ABL1: variants seen among roughly 807,000 people sequenced by gnomAD.
ABL1 encodes the protein ABL proto-oncogene 1, non-receptor tyrosine kinase.
In ABL1, 11 loss-of-function variants were observed where a neutral mutation model predicts 94.7. That is an observed-to-expected ratio of 0.12 (90% CI 0.07 to 0.19). ABL1 has a LOEUF of 0.19. Among genes scored for constraint, ABL1 ranks in the 10% least tolerant of loss-of-function variants. The probability of loss-of-function intolerance (pLI) is 1.00; values close to 1 mark genes in which losing one functional copy is unlikely to be tolerated. For synonymous variants in ABL1, 656 were observed against 622.4 expected (o/e 1.05, Z -0.80); for missense variants, 1,082 against 1,489.4 (o/e 0.73, Z 4.50).
chr9:130,760,887 A>G (rs138739957), intron 1 of ABL1, among the ~76,000 whole-genome samples: 8 of 147,622 alleles, frequency 5.4e-5, no homozygotes, highest in African/African-American at 2.0e-4. Flanking sequence ...GGATGGTCTC[A>G]ATCTCTTGAC....
intron 1 of ABL1, among the ~76,000 whole-genome samples, chr9:130,774,401 A>G (rs1832288178): frequency 6.6e-6 from 1 of 152,156 alleles, no homozygotes; most frequent in Non-Finnish European, 1.5e-5. Context: ...GGAACTGGAG[A>G]CATAATCTTG....
At chr9:130,834,914 G>T (rs1830539159), upstream of ABL1, 1 of 455,768 alleles carries the variant, frequency 2.2e-6, no homozygotes, top group Admixed American at 2.4e-5. Flanking sequence ...CGCGTACTGG[G>T]AAACTCGCCA....
chr9:130,753,560 G>A (rs553240903), intron 1 of ABL1, among the ~76,000 whole-genome samples: 120 of 150,980 alleles, frequency 7.9e-4, no homozygotes, highest in Non-Finnish European at 1.5e-3. Flanking sequence ...CGAGTAGCTG[G>A]GATTACAGGC....
chr9:130,801,968 T>C (rs756961247), intron 1 of ABL1, among the ~76,000 whole-genome samples: 2 of 152,138 alleles, frequency 1.3e-5, no homozygotes, highest in Admixed American at 6.6e-5. Context: ...AGTTTTTGGC[T>C]CTTGTTTCTT....
At chr9:130,883,863 T>C in intron 10 of ABL1, 106 bp from the exon 11 acceptor site, 1 of 1,370,066 alleles carries the variant, frequency 7.3e-7, no homozygotes. Context: ...CTCTGTCTCC[T>C]GGGCTGGAGT....
chr9:130,880,709 G>T lies in ABL1; in HGVS notation c.1678+45G>T. 6.2e-7 allele frequency: 1 copy of T among 1,600,534 alleles called. No homozygotes were observed. Among genetic ancestry groups the T allele is most frequent in the Non-Finnish European group, 8.5e-7 (1 of 1,174,022 alleles). ...CAACCCCACTGCTCTTCCCTTCCCT[G>T]CCAGAGGCTACATTCAGGCCATCAT... On this transcript the variant is annotated intron_variant, in intron 10 of 10. Transcript: ENST00000318560. This position sits in a 1 kb window ranked among gnomAD's most constrained non-coding sequence, Gnocchi z 4.4.
chr9:130,850,477 T>A (rs1830838997), intron 1 of ABL1, among the ~76,000 whole-genome samples: 1 of 152,182 alleles, frequency 6.6e-6, no homozygotes, highest in South Asian at 2.1e-4. Context: ...GAAGAAAACA[T>A]CAAGCTCTAA....
chr9:130,718,309 CT>C (rs1217772283), intron 1 of ABL1, among the ~76,000 whole-genome samples: 2 of 125,064 alleles, frequency 1.6e-5, no homozygotes, highest in Middle Eastern at 4.1e-3. Context: ...CAGAATGAGA[CT>C]CTGTCTCAAA....
chr9:130,843,154 G>T (rs1830703190), intron 1 of ABL1, among the ~76,000 whole-genome samples: 1 of 152,170 alleles, frequency 6.6e-6, no homozygotes, highest in South Asian at 2.1e-4. Context: ...ACAAGTGCAG[G>T]GTGTTCCACA....
chr9:130,851,488 A>G (rs1588267595), intron 1 of ABL1, among the ~76,000 whole-genome samples: 1 of 152,196 alleles, frequency 6.6e-6, no homozygotes, highest in African/African-American at 2.4e-5. Context: ...TCCCAAAGAG[A>G]TGTTTTAGAG....
At chr9:130,836,233 T>A (rs1830581426) in intron 1 of ABL1, among the ~76,000 whole-genome samples, 2 of 152,236 alleles carry the variant, frequency 1.3e-5, no homozygotes, top group Admixed American at 1.3e-4. Context: ...TTCGTTTCCT[T>A]AAGTGAAGCT....
intron 1 of ABL1, among the ~76,000 whole-genome samples, chr9:130,853,702 A>G (rs1231718438): frequency 6.6e-6 from 1 of 152,254 alleles, no homozygotes; most frequent in Non-Finnish European, 1.5e-5. Flanking sequence ...GGCGTGAGCC[A>G]CCATGCCCGG....
At chr9:130,786,285 G>A (rs1338346183) in intron 1 of ABL1, among the ~76,000 whole-genome samples, 1 of 152,186 alleles carries the variant, frequency 6.6e-6, no homozygotes, top group Non-Finnish European at 1.5e-5. Context: ...GTGATTTAGG[G>A]TAGGAGAAAT....
intron 1 of ABL1, among the ~76,000 whole-genome samples, chr9:130,770,573 A>G (rs1588232599): frequency 6.6e-6 from 1 of 152,230 alleles, no homozygotes; most frequent in Admixed American, 6.5e-5. Flanking sequence ...AGCGGCACGA[A>G]ATGCAAATTA....
chr9:130,794,310 TTTTTTA>T lies in ABL1; in HGVS notation c.137-59750_137-59745del, dbSNP rs1349519346. 6.0e-5 allele frequency among the ~76,000 whole-genome samples: 9 copies of T among 150,646 alleles called. No homozygotes were observed. In the East Asian group the frequency reaches 1.7e-3, roughly 29 times the overall value. ...TAGGCAGTTTTTATTTTATTTTTCATTTTTTATTTATTTTTTTACCTGTGAGCCCAC... is the reference window on the plus strand; with the variant it reads ...TAGGCAGTTTTTATTTTATTTTTCATTTTATTTTTTTACCTGTGAGCCCAC... On this transcript the variant is annotated intron_variant, in intron 1 of 10. Transcript: ENST00000372348.
intron 1 of ABL1, among the ~76,000 whole-genome samples, chr9:130,762,544 C>T (rs1832129562): frequency 6.6e-6 from 1 of 152,090 alleles, no homozygotes; most frequent in Non-Finnish European, 1.5e-5. Flanking sequence ...TTCCTGTGGG[C>T]TTGTGCAATA....
At position 130,884,915 on chromosome 9, in the gene ABL1, G is replaced by A; in HGVS notation, c.2625G>A (p.Val875=). ...AGGGCCCCGCCGAGGAGTCCAGAGTGAGGAGGCACAAGCACTCCTCTGAGT... is the reference window on the plus strand; with the variant it reads ...AGGGCCCCGCCGAGGAGTCCAGAGTAAGGAGGCACAAGCACTCCTCTGAGT... ...TSKGPAEESR[V]RRHKHSSESP... is the part of the protein sequence containing the mutation. The change falls in exon 11 of 11, where the codon GTG becomes GTA. Residue 875 remains valine (V), a synonymous_variant. Coordinates refer to ENST00000318560, the MANE Select transcript of ABL1 (RefSeq NM_005157.6). This position sits in a 1 kb window ranked among gnomAD's most constrained non-coding sequence, Gnocchi z 5.6. 1 of 1,611,610 alleles carries A rather than the reference G, an allele frequency of 6.2e-7. No homozygotes were observed. Among genetic ancestry groups the A allele is most frequent in the Non-Finnish European group, 8.5e-7 (1 of 1,179,578 alleles).
At chr9:130,822,356 C>T (rs192192648) in intron 1 of ABL1, among the ~76,000 whole-genome samples, 26 of 152,190 alleles carry the variant, frequency 1.7e-4, no homozygotes, top group Admixed American at 1.2e-3. Context: ...CATTTACATT[C>T]CCACCAGCAA....
chr9:130,768,929 GC>G (rs1832217469), intron 1 of ABL1, among the ~76,000 whole-genome samples: 1 of 152,166 alleles, frequency 6.6e-6, no homozygotes, highest in Non-Finnish European at 1.5e-5. Context: ...CAATGGAAAA[GC>G]AAGGGTAATA....
Sources: allele counts gnomAD v4.1 joint callset (sites outside exome capture counted in the v4.1 genomes callset), GRCh38; gene constraint gnomAD v4.1.1; non-coding constraint Gnocchi (gnomAD v3.1); transcripts MANE v1.5; gene names NCBI Gene and HGNC (gene_info 2026-07-23, HGNC 2026-07-21).